Variants in PLEKHM3 observed in about 807,000 individuals in gnomAD.
PLEKHM3 encodes the protein pleckstrin homology domain containing M3.
Under a neutral mutation model 81.8 loss-of-function variants are expected in PLEKHM3, and 45 were observed. That is an observed-to-expected ratio of 0.55 (90% CI 0.43 to 0.71). The LOEUF is 0.71. Ranked by LOEUF, PLEKHM3 falls within the 30% of genes least tolerant of loss-of-function variation. The probability of loss-of-function intolerance (pLI) is 0.00; values close to 1 mark genes in which losing one functional copy is unlikely to be tolerated. For missense variants in PLEKHM3, 788 were observed against 924.3 expected, an observed-to-expected ratio of 0.85 and a Z score of 1.91; for synonymous variants, 352 against 356.4, an observed-to-expected ratio of 0.99 and a Z score of 0.14.
At chr2:207,904,622 G>A (rs548098787) in intron 6 of PLEKHM3, among the ~76,000 whole-genome samples, 3 of 152,268 alleles carry the variant, frequency 2.0e-5, no homozygotes, top group Admixed American at 6.5e-5. Context: ...GGAGACAGTC[G>A]TTCCCAGAAC....
intron 3 of PLEKHM3, among the ~76,000 whole-genome samples, chr2:207,975,774 T>C (rs1341677878): frequency 2.0e-5 from 3 of 151,702 alleles, no homozygotes; most frequent in Non-Finnish European, 2.9e-5. Flanking sequence ...TTTTTGCACT[T>C]TTAGTAGAGA....
intron 6 of PLEKHM3, among the ~76,000 whole-genome samples, chr2:207,862,659 A>C: frequency 6.6e-6 from 1 of 152,136 alleles, no homozygotes; most frequent in South Asian, 2.1e-4. Context: ...AAGAAAAAGA[A>C]AAAAATAGTA....
intron 6 of PLEKHM3, among the ~76,000 whole-genome samples, chr2:207,880,860 A>C (rs1227997747): frequency 1.1e-5 from 1 of 90,898 alleles, no homozygotes; most frequent in Non-Finnish European, 2.3e-5. Context: ...AAATAATCAT[A>C]AGAAGTCTTT....
At chr2:207,999,383 A>G (rs1165155026) in intron 2 of PLEKHM3, among the ~76,000 whole-genome samples, 1 of 152,018 alleles carries the variant, frequency 6.6e-6, no homozygotes, top group Non-Finnish European at 1.5e-5. Context: ...GGGTGGCTGA[A>G]ATGGAAGGAT....
At chr2:207,905,184 G>GTAT (rs951595880) in intron 6 of PLEKHM3, among the ~76,000 whole-genome samples, 1 of 152,128 alleles carries the variant, frequency 6.6e-6, no homozygotes, top group African/African-American at 2.4e-5. Flanking sequence ...ACTTGCTTTA[G>GTAT]TTTATTTTCC....
chr2:207,889,424 G>A (rs893044880), intron 6 of PLEKHM3, among the ~76,000 whole-genome samples: 1 of 127,506 alleles, frequency 7.8e-6, no homozygotes, highest in Non-Finnish European at 1.6e-5. Context: ...GCAGACAGGA[G>A]GTTTTTTTCA....
intron 6 of PLEKHM3, among the ~76,000 whole-genome samples, chr2:207,880,777 A>AAAAAAAAAAAAAG (rs2092586143): frequency 7.3e-6 from 1 of 137,722 alleles, no homozygotes; most frequent in Non-Finnish European, 1.6e-5. Flanking sequence ...AAAAAAAAAA[A>AAAAAAAAAAAAAG]AAAAAAAAAA....
intron 1 of PLEKHM3, among the ~76,000 whole-genome samples, chr2:208,013,413 G>T (rs1692766759): frequency 6.6e-6 from 1 of 152,130 alleles, no homozygotes; most frequent in South Asian, 2.1e-4. Flanking sequence ...TTACTGAGGA[G>T]GCTGAGGCAG....
chr2:207,929,757 T>C lies in PLEKHM3; in HGVS notation c.1886+1169A>G, dbSNP rs568299040. ...CATTATTATTTTATGAGAGCTTGTC[T>C]AGATATTATATATCCTTTACTATCT... On this transcript the variant is annotated intron_variant, in intron 5 of 7. Coordinates refer to ENST00000427836, the MANE Select transcript of PLEKHM3 (RefSeq NM_001080475.3). 273 of 490,836 alleles carry C rather than the reference T, an allele frequency of 5.6e-4. 1 individual carries two copies. In the South Asian group the frequency reaches 0.01, roughly 19 times the overall value. The allele number at this position is 490,836 out of a possible 1,614,324, so 30.4% of individuals were successfully genotyped here.
Position 208,001,788 on chromosome 2 carries a change from C to G in PLEKHM3, c.-149G>C, listed in dbSNP as rs1692315902. 1 of 1,316,390 alleles carries G rather than the reference C, an allele frequency of 7.6e-7. No homozygotes were observed. The highest frequency in any genetic ancestry group is 1.0e-6 in the Non-Finnish European group (1 of 975,484). The allele number at this position is 1,316,390 out of a possible 1,614,324, so 81.5% of individuals were successfully genotyped here. A position where few individuals can be genotyped will look rare whatever the true frequency, so the allele number is the denominator to read the frequency against. On this transcript the variant is annotated 5_prime_UTR_variant, in exon 2 of 8. Transcript: ENST00000427836. ...TTGGGCTCCCTGGAGCAGGCCAAAC[C>G]CAAAGTGGTTGATGTTTTCCTGGTA...
At chr2:207,836,986 GGCTTTGC>G (rs72251403) in intron 7 of PLEKHM3, among the ~76,000 whole-genome samples, 3,553 of 152,282 alleles carry the variant, frequency 0.023, 59 homozygotes, top group Non-Finnish European at 0.036. Context: ...ATGTGAGTGC[GGCTTTGC>G]GTATGGCTAC....
At chr2:207,849,697 T>C (rs2092402220) in intron 7 of PLEKHM3, among the ~76,000 whole-genome samples, 1 of 152,326 alleles carries the variant, frequency 6.6e-6, no homozygotes, top group South Asian at 2.1e-4. Flanking sequence ...TGTCAATTGC[T>C]TCAACCTTAT....
chr2:207,948,168 G>A (rs1690198810), intron 3 of PLEKHM3, among the ~76,000 whole-genome samples: 1 of 152,094 alleles, frequency 6.6e-6, no homozygotes, highest in Non-Finnish European at 1.5e-5. Context: ...CAACACACAT[G>A]TAGCTCCTGA....
At chr2:207,924,496 C>G (rs904832807) in intron 5 of PLEKHM3, among the ~76,000 whole-genome samples, 3 of 151,904 alleles carry the variant, frequency 2.0e-5, no homozygotes, top group Non-Finnish European at 4.4e-5. Flanking sequence ...ACCAGCCTGG[C>G]CAACATGGTG....
At chr2:207,883,465 C>G (rs1687769590) in intron 6 of PLEKHM3, among the ~76,000 whole-genome samples, 1 of 152,222 alleles carries the variant, frequency 6.6e-6, no homozygotes, top group East Asian at 1.9e-4. Context: ...CTCAGGTTTT[C>G]ACATACATTT....
chr2:207,827,707 G>C lies in PLEKHM3; in HGVS notation c.*612C>G, dbSNP rs888450374. The C allele has an allele frequency of 6.6e-6, 1 of 152,154 alleles. No individual in the cohort carries two copies. Among genetic ancestry groups the C allele is most frequent in the African/African-American group, 2.4e-5 (1 of 41,438 alleles). 9.4% of individuals were successfully genotyped at this position (152,154 alleles called of 1,614,324 possible). On this transcript the variant is annotated 3_prime_UTR_variant, in exon 8 of 8. Coordinates refer to ENST00000427836, the MANE Select transcript of PLEKHM3 (RefSeq NM_001080475.3). ...GGGTGTATGCTTTCTGTCAGAGGGG[G>C]CTTGGCTCCTGTTTCCAGCCATCGG...
intron 5 of PLEKHM3, among the ~76,000 whole-genome samples, chr2:207,926,129 G>A (rs1376246279): frequency 1.3e-5 from 2 of 152,096 alleles, no homozygotes; most frequent in Non-Finnish European, 2.9e-5. Context: ...CTGGGTTTGG[G>A]GAGACAAACT....
Position 207,853,417 on chromosome 2 carries a change from CA to C in PLEKHM3, c.2108+7687del, listed in dbSNP as rs752381538. Reference sequence around the variant, plus strand: ...GGGCAACAAGAGTGAAACTTCGTCTCAAAAAAAAAAAAAAATCATTTATTAA... The same window carrying C: ...GGGCAACAAGAGTGAAACTTCGTCTCAAAAAAAAAAAAAATCATTTATTAA... On this transcript the variant is annotated intron_variant, in intron 7 of 7. Coordinates refer to ENST00000427836, the MANE Select transcript of PLEKHM3 (RefSeq NM_001080475.3). 4.8e-3 allele frequency among the ~76,000 whole-genome samples: 544 copies of C among 113,922 alleles called. 4 individuals carry two copies. Among genetic ancestry groups the C allele is most frequent in the South Asian group, 0.011 (38 of 3,488 alleles). 74.7% of individuals were successfully genotyped at this position (113,922 alleles called of 152,430 possible). A position where few individuals can be genotyped will look rare whatever the true frequency, so the allele number is the denominator to read the frequency against.
intron 7 of PLEKHM3, among the ~76,000 whole-genome samples, chr2:207,833,390 T>C (rs1057397019): frequency 6.6e-6 from 1 of 152,214 alleles, no homozygotes; most frequent in Admixed American, 6.5e-5. Context: ...TTGTTGGATG[T>C]TGCTGTACAT....
Sources: allele counts gnomAD v4.1 joint callset (sites outside exome capture counted in the v4.1 genomes callset), GRCh38; gene constraint gnomAD v4.1.1; transcripts MANE v1.5; gene names NCBI Gene and HGNC (gene_info 2026-07-23, HGNC 2026-07-21).